The following PSPC1 variants were observed in gnomAD, a reference collection of about 807,000 sequenced individuals.
PSPC1 encodes paraspeckle protein 1.
In PSPC1, 14 loss-of-function variants were observed where a neutral mutation model predicts 51.6. The ratio of observed to expected loss-of-function variants is 0.27; its 90% confidence interval spans 0.18 to 0.42. PSPC1 has a LOEUF of 0.42. Ranked by LOEUF, PSPC1 falls within the 10% of genes least tolerant of loss-of-function variation. The probability of loss-of-function intolerance (pLI) is 1.00; values close to 1 mark genes in which losing one functional copy is unlikely to be tolerated. For synonymous variants in PSPC1, 193 were observed against 231.9 expected (o/e 0.83, Z 1.53); for missense variants, 406 against 701.1 (o/e 0.58, Z 4.75).
intron 4 of PSPC1, among the ~76,000 whole-genome samples, chr13:19,746,054 G>A (rs1017331030): frequency 1.4e-5 from 2 of 145,604 alleles, no homozygotes; most frequent in African/African-American, 5.1e-5. Flanking sequence ...TCGCCAGGCT[G>A]GAGTGCGGTG....
chr13:19,740,331 GA>G (rs1405168184), intron 5 of PSPC1, among the ~76,000 whole-genome samples: 4 of 149,972 alleles, frequency 2.7e-5, no homozygotes, highest in Non-Finnish European at 5.9e-5. Flanking sequence ...CAACAAGAGC[GA>G]AACTCCCTCT....
chr13:19,673,201 G>A (rs1410511515), downstream of PSPC1: 5 of 437,704 alleles, frequency 1.1e-5, no homozygotes, highest in Non-Finnish European at 2.2e-5. Context: ...CTGTGTGGGA[G>A]CCACCACCCT....
chr13:19,722,902 G>A (rs1882946493), intron 6 of PSPC1, among the ~76,000 whole-genome samples: 1 of 152,160 alleles, frequency 6.6e-6, no homozygotes, highest in Non-Finnish European at 1.5e-5. Context: ...TTGAGGTAAA[G>A]AGTTCAAGAG....
intron 6 of PSPC1, among the ~76,000 whole-genome samples, chr13:19,727,811 T>A (rs954826558): frequency 5.3e-5 from 8 of 152,182 alleles, no homozygotes; most frequent in Non-Finnish European, 1.5e-5. Flanking sequence ...TTGTGATAAG[T>A]AGAAAATTTC....
downstream of PSPC1, among the ~76,000 whole-genome samples, chr13:19,700,360 T>G (rs1879751963): frequency 6.6e-6 from 1 of 152,114 alleles, no homozygotes; most frequent in African/African-American, 2.4e-5. Flanking sequence ...CAATTCCAGC[T>G]AAAACAGATA....
At chr13:19,748,672 G>C (rs977938552) in intron 4 of PSPC1, among the ~76,000 whole-genome samples, 3 of 151,682 alleles carry the variant, frequency 2.0e-5, no homozygotes, top group Middle Eastern at 3.4e-3. Context: ...ACTGTTCGTA[G>C]CATCAACACA....
At chr13:19,687,187 T>C (rs903477599) in intron 6 of PSPC1, among the ~76,000 whole-genome samples, 1 of 151,922 alleles carries the variant, frequency 6.6e-6, no homozygotes, top group African/African-American at 2.4e-5. Context: ...GGCAACAGAG[T>C]AAGACTCCAT....
chr13:19,679,550 C>T (rs1877047931), intron 6 of PSPC1, among the ~76,000 whole-genome samples: 1 of 152,128 alleles, frequency 6.6e-6, no homozygotes, highest in Admixed American at 6.6e-5. Context: ...TGTGTCTATA[C>T]TGAACATGTA....
intron 5 of PSPC1, among the ~76,000 whole-genome samples, chr13:19,739,034 A>C (rs866949811): frequency 1.3e-5 from 2 of 152,318 alleles, no homozygotes; most frequent in African/African-American, 4.8e-5. Context: ...CAGATACAAA[A>C]GACTGTAGGT....
intron 2 of PSPC1, among the ~76,000 whole-genome samples, chr13:19,766,641 G>C (rs1239538544): frequency 6.6e-6 from 1 of 151,836 alleles, no homozygotes; most frequent in Admixed American, 6.6e-5. Context: ...ACCTATGATC[G>C]CATTCAGCCT....
intron 6 of PSPC1, among the ~76,000 whole-genome samples, chr13:19,683,958 T>G (rs1877569780): frequency 6.6e-6 from 1 of 152,130 alleles, no homozygotes; most frequent in Non-Finnish European, 1.5e-5. Flanking sequence ...CAAACATAAT[T>G]AATGACCTCA....
intron 7 of PSPC1, among the ~76,000 whole-genome samples, chr13:19,707,628 G>GT (rs1206545350): frequency 1.3e-5 from 2 of 152,138 alleles, no homozygotes; most frequent in Non-Finnish European, 2.9e-5. Context: ...TAAAATGTAA[G>GT]TAAGTCCTCT....
rs528813265 is a variant in PSPC1, at chr13:19,775,467, T to C, written c.373-2924A>G. Among the ~76,000 whole-genome samples, 77 of 152,194 alleles carry C rather than the reference T, an allele frequency of 5.1e-4. 4 individuals are homozygous for C. The highest frequency in any genetic ancestry group is 2.1e-4 in the South Asian group (1 of 4,828). On this transcript the variant is annotated intron_variant, in intron 1 of 8. Coordinates refer to ENST00000338910, the MANE Select transcript of PSPC1 (RefSeq NM_001354909.2). ...AGTAATCTAGAGATGATTTAAAGTA[T>C]ACAGGAGGATTGCATGGGTAACATG...
At chr13:19,744,722 G>A (rs897761174) in intron 4 of PSPC1, among the ~76,000 whole-genome samples, 6 of 152,016 alleles carry the variant, frequency 3.9e-5, no homozygotes, top group East Asian at 1.9e-4. Flanking sequence ...CCACAACCGC[G>A]CCCAGCTAAT....
At chr13:19,675,781 A>G (rs1236025726) in intron 7 of PSPC1, 1 of 152,224 alleles carries the variant, frequency 6.6e-6, no homozygotes, top group Non-Finnish European at 1.5e-5. Flanking sequence ...GCAGACCTAA[A>G]TTCAAGCTTC....
chr13:19,743,519 C>T (rs2138056730), intron 4 of PSPC1, among the ~76,000 whole-genome samples: 1 of 152,220 alleles, frequency 6.6e-6, no homozygotes, highest in South Asian at 2.1e-4. Flanking sequence ...AAAGTTGCTC[C>T]AGCTATTACA....
intron 2 of PSPC1, among the ~76,000 whole-genome samples, chr13:19,760,759 C>T (rs903016460): frequency 4.6e-5 from 7 of 151,904 alleles, no homozygotes; most frequent in Admixed American, 3.9e-4. Context: ...TAGGCTGAGG[C>T]GGGTGGATCA....
At chr13:19,754,902 G>A (rs1373858984) in intron 3 of PSPC1, among the ~76,000 whole-genome samples, 1 of 152,052 alleles carries the variant, frequency 6.6e-6, no homozygotes, top group African/African-American at 2.4e-5. Context: ...CAAGGAAAAA[G>A]TTAAGTGAAG....
chr13:19,774,190 C>G (rs1490924192), intron 1 of PSPC1, among the ~76,000 whole-genome samples: 1 of 152,080 alleles, frequency 6.6e-6, no homozygotes, highest in African/African-American at 2.4e-5. Flanking sequence ...TGGGCAGCAC[C>G]TAAAACAATA....
Sources: gnomAD v4.1 joint callset for allele counts (sites outside exome capture counted in the v4.1 genomes callset) on GRCh38, gnomAD v4.1.1 for gene constraint, MANE v1.5 for transcripts, NCBI Gene and HGNC (gene_info 2026-07-23, HGNC 2026-07-21) for gene names.